Variants in PDZRN3 observed in about 807,000 individuals in gnomAD.
The protein encoded by PDZRN3 is E3 ubiquitin-protein ligase PDZRN3.
Under a neutral mutation model 85.7 loss-of-function variants are expected in PDZRN3, and 38 were observed. That is an observed-to-expected ratio of 0.44 (90% CI 0.34 to 0.58). The LOEUF (loss-of-function observed/expected upper bound fraction) is 0.58, where lower values mean the gene tolerates loss of function less well. PDZRN3 is among the 20% of genes least tolerant of loss of function. The probability of loss-of-function intolerance (pLI) is 0.01; values close to 1 mark genes in which losing one functional copy is unlikely to be tolerated. For missense variants in PDZRN3, 1,629 were observed against 1,506.4 expected (o/e 1.08, Z -1.35); for synonymous variants, 759 against 638.0 (o/e 1.19, Z -2.86).
chr3:73,574,310 C>T (rs919835669), intron 3 of PDZRN3, among the ~76,000 whole-genome samples: 1 of 152,162 alleles, frequency 6.6e-6, no homozygotes, highest in Non-Finnish European at 1.5e-5. Flanking sequence ...AGGATAAAAC[C>T]AAACTGAGTA....
intron 3 of PDZRN3, among the ~76,000 whole-genome samples, chr3:73,573,053 G>T (rs955892415): frequency 2.6e-5 from 4 of 152,184 alleles, no homozygotes; most frequent in Admixed American, 6.5e-5. Flanking sequence ...TACAGAGGTT[G>T]GTTGTTGATA....
At chr3:73,410,297 A>T (rs1335010998) in intron 3 of PDZRN3, among the ~76,000 whole-genome samples, 2 of 152,234 alleles carry the variant, frequency 1.3e-5, no homozygotes, top group East Asian at 3.8e-4. Flanking sequence ...AAATGCAGGT[A>T]TTATGGCAGT....
intron 3 of PDZRN3, among the ~76,000 whole-genome samples, chr3:73,496,633 A>C (rs1559708910): frequency 6.6e-6 from 1 of 152,160 alleles, no homozygotes; most frequent in Non-Finnish European, 1.5e-5. Context: ...CAATTCTTTA[A>C]TTTCATCTAA....
At chr3:73,586,244 A>C (rs1575751553) in intron 3 of PDZRN3, among the ~76,000 whole-genome samples, 1 of 152,110 alleles carries the variant, frequency 6.6e-6, no homozygotes, top group African/African-American at 2.4e-5. Flanking sequence ...GCACTGGGAG[A>C]GATATCTATT....
intron 1 of PDZRN3, among the ~76,000 whole-genome samples, chr3:73,616,293 T>C (rs1404450887): frequency 6.7e-6 from 1 of 149,188 alleles, no homozygotes; most frequent in African/African-American, 2.5e-5. Context: ...GCCTCAGGTA[T>C]TTCTTCATGT....
intron 9 of PDZRN3, 121 bp from the exon 10 acceptor site, chr3:73,385,051 A>G: frequency 1.8e-6 from 2 of 1,135,938 alleles, no homozygotes; most frequent in Middle Eastern, 3.0e-4. Context: ...GCCAAGGGAC[A>G]GCATCTGACA....
chr3:73,603,773 T>TGATTCAGTCTACCCCTTCAAATGC (rs1702552016), intron 2 of PDZRN3, among the ~76,000 whole-genome samples: 2 of 152,082 alleles, frequency 1.3e-5, no homozygotes, highest in African/African-American at 4.8e-5. Flanking sequence ...ACTTCAAGTG[T>TGATTCAGTCTACCCCTTCAAATGC]GATTCAGTCT....
intron 3 of PDZRN3, chr3:73,408,136 C>T (rs1429677589): frequency 2.8e-6 from 2 of 703,292 alleles, no homozygotes; most frequent in South Asian, 3.0e-5. Flanking sequence ...AGCCAGATGA[C>T]CTCCTCCTTT....
intron 3 of PDZRN3, among the ~76,000 whole-genome samples, chr3:73,517,239 A>G (rs1033360329): frequency 2.6e-5 from 4 of 152,228 alleles, no homozygotes; most frequent in African/African-American, 9.6e-5. Context: ...GTTAACCTGT[A>G]TAATTTATAT....
chr3:73,484,553 A>C (rs1297793558), intron 3 of PDZRN3, among the ~76,000 whole-genome samples: 2 of 152,182 alleles, frequency 1.3e-5, no homozygotes, highest in African/African-American at 4.8e-5. Context: ...AAGAAGATAA[A>C]CTATAGCACA....
chr3:73,384,035 T>C lies in PDZRN3; in HGVS notation c.2531A>G (p.Asp844Gly). The C allele has an allele frequency of 6.3e-7, 1 of 1,596,284 alleles. No homozygotes were observed. Among genetic ancestry groups the C allele is most frequent in the Non-Finnish European group, 8.5e-7 (1 of 1,172,136 alleles). The change falls in exon 10 of 10, where the codon GAC becomes GGC. Residue 844 changes from aspartate to glycine, a missense_variant. By Grantham distance (94) the Asp-to-Gly change is moderately conservative. Transcript: ENST00000263666. ...GCTGGGCGTGGGGCTCCGGCTCCCG[T>C]CGCTGGCTCTCCGCTCTTTGCTTTC... is the stretch of plus-strand genomic sequence containing the variant. The part of the protein sequence containing the change: ...PLESKERRAS[D>G]GSRSPTPSQK...
chr3:73,407,950 G>A (rs1213382958), intron 3 of PDZRN3: 1 of 590,014 alleles, frequency 1.7e-6, no homozygotes, highest in Admixed American at 3.0e-5. Flanking sequence ...CAACCCCAAA[G>A]GGAGAACTGG....
intron 3 of PDZRN3, among the ~76,000 whole-genome samples, chr3:73,577,085 G>T (rs1702137276): frequency 6.6e-6 from 1 of 152,178 alleles, no homozygotes; most frequent in African/African-American, 2.4e-5. Flanking sequence ...CATGGTTGAT[G>T]AATCATTCTA....
At chr3:73,404,998 C>T (rs533077604) in intron 3 of PDZRN3, among the ~76,000 whole-genome samples, 1 of 152,342 alleles carries the variant, frequency 6.6e-6, no homozygotes, top group East Asian at 1.9e-4. Context: ...TTGGTTCCCA[C>T]TGTGTGCAGT....
rs1163155891 is a variant in PDZRN3 at position 73,615,741 on chromosome 3, G to A, written c.724-7057C>T. On this transcript the variant is annotated intron_variant, in intron 1 of 9. Coordinates refer to ENST00000263666, the MANE Select transcript of PDZRN3 (RefSeq NM_015009.3). ...AAGCTATCCAATTTCTGGTATTTTTGTTACAGCAGCCTAAATGCACTAAGA... is the reference window on the plus strand; with the variant it reads ...AAGCTATCCAATTTCTGGTATTTTTATTACAGCAGCCTAAATGCACTAAGA... Among the ~76,000 whole-genome samples, 6 of 152,236 alleles carry A rather than the reference G, an allele frequency of 3.9e-5. No homozygotes were observed. The East Asian group carries it at 1.2e-3, about 29-fold the overall frequency.
chr3:73,384,320 T>G lies in PDZRN3; in HGVS notation c.2246A>C (p.Lys749Thr). 6.2e-7 allele frequency: 1 copy of G among 1,612,072 alleles called. No individual in the cohort carries two copies. Among genetic ancestry groups the G allele is most frequent in the Non-Finnish European group, 8.5e-7 (1 of 1,179,968 alleles). Residue 749 changes from lysine to threonine, a missense_variant, in exon 10 of 10, where the codon AAA (lysine) becomes ACA (threonine). Coordinates refer to ENST00000263666, the MANE Select transcript of PDZRN3 (RefSeq NM_015009.3). The part of the protein sequence containing the change: ...ELSDITELPE[K>T]SDKDSSSAYN... Reference sequence around the variant, plus strand: ...GGCGCTCGAGCTGTCCTTGTCGGATTTCTCCGGGAGCTCGGTGATATCTGA... The same window carrying G: ...GGCGCTCGAGCTGTCCTTGTCGGATGTCTCCGGGAGCTCGGTGATATCTGA...
At chr3:73,537,447 G>T (rs1240291689) in intron 3 of PDZRN3, among the ~76,000 whole-genome samples, 1 of 152,164 alleles carries the variant, frequency 6.6e-6, no homozygotes, top group African/African-American at 2.4e-5. Context: ...TGACCAGGTG[G>T]CTTAAACCTG....
chr3:73,408,596 G>T (rs1022694369), intron 3 of PDZRN3, among the ~76,000 whole-genome samples: 2 of 151,710 alleles, frequency 1.3e-5, no homozygotes, highest in Non-Finnish European at 2.9e-5. Flanking sequence ...GGAGGGGGGG[G>T]GGTGCAACAG....
At chr3:73,583,626 C>A (rs919289901) in intron 3 of PDZRN3, among the ~76,000 whole-genome samples, 5 of 152,108 alleles carry the variant, frequency 3.3e-5, no homozygotes, top group Non-Finnish European at 7.4e-5. Context: ...AATTTAACAA[C>A]AGGAAGGGAG....
Sources: gnomAD v4.1 joint callset for allele counts (sites outside exome capture counted in the v4.1 genomes callset) on GRCh38, gnomAD v4.1.1 for gene constraint, MANE v1.5 for transcripts, NCBI Gene and HGNC (gene_info 2026-07-23, HGNC 2026-07-21) for gene names.